The following MAPKAPK5 variants were observed in gnomAD, a reference collection of about 807,000 sequenced individuals.
MAPKAPK5 encodes MAP kinase-activated protein kinase 5.
Under a neutral mutation model 65.1 loss-of-function variants are expected in MAPKAPK5, and 30 were observed. That is an observed-to-expected ratio of 0.46 (90% CI 0.34 to 0.63). The LOEUF is 0.63. Ranked by LOEUF, MAPKAPK5 falls within the 20% of genes least tolerant of loss-of-function variation. The pLI, the probability that MAPKAPK5 is intolerant of heterozygous loss-of-function variation, is 0.01. For missense variants in MAPKAPK5, 433 were observed against 581.4 expected (o/e 0.74, Z 2.63); for synonymous variants, 179 against 204.6 (o/e 0.87, Z 1.07).
chr12:111,900,543 C>T lies in MAPKAPK5; in HGVS notation c.*7482C>T. On this transcript the variant is annotated 3_prime_UTR_variant, in exon 14 of 14. Transcript: ENST00000550735. ...GGCCTGCCTATTTAACAAGCCACGG[C>T]CCAGGGGCCGCAAGCGTAGGGATTC... is the stretch of plus-strand genomic sequence containing the variant. The T allele has an allele frequency of 2.2e-6, 1 of 456,108 alleles. No homozygotes were observed. The highest frequency in any genetic ancestry group is 1.5e-5 in the South Asian group (1 of 64,558). The allele number at this position is 456,108 out of a possible 1,614,324, so 28.3% of individuals were successfully genotyped here. A position where few individuals can be genotyped will look rare whatever the true frequency, so the allele number is the denominator to read the frequency against.
At chr12:111,861,518 G>C (rs1395560496) in intron 1 of MAPKAPK5, among the ~76,000 whole-genome samples, 1 of 151,936 alleles carries the variant, frequency 6.6e-6, no homozygotes, top group Admixed American at 6.6e-5. Flanking sequence ...AGTAGAGATG[G>C]GGTTTCACCA....
At chr12:111,875,806 C>G (rs1338076730) in intron 7 of MAPKAPK5, among the ~76,000 whole-genome samples, 1 of 152,198 alleles carries the variant, frequency 6.6e-6, no homozygotes, top group Non-Finnish European at 1.5e-5. Flanking sequence ...CTCCTGCGCT[C>G]TGCCATAGGT....
intron 1 of MAPKAPK5, among the ~76,000 whole-genome samples, chr12:111,843,753 T>C (rs1039017060): frequency 6.6e-6 from 1 of 152,238 alleles, no homozygotes; most frequent in Admixed American, 6.5e-5. Flanking sequence ...CCAAAGAAAC[T>C]TAACCCTTTA....
rs1949700314 is a variant in MAPKAPK5, at chr12:111,899,473, GATCA to G, written c.*6416_*6419del. 6.0e-6 allele frequency: 1 copy of G among 165,322 alleles called. No individual in the cohort carries two copies. Among genetic ancestry groups the G allele is most frequent in the Non-Finnish European group, 1.3e-5 (1 of 74,730 alleles). 10.2% of individuals were successfully genotyped at this position (165,322 alleles called of 1,614,324 possible). A position where few individuals can be genotyped will look rare whatever the true frequency, so the allele number is the denominator to read the frequency against. ...GTGCCAAGCATGTACTGTCACCTGG[GATCA>G]ATCTATTACTCTTTCTATGAAATAA... is the stretch of plus-strand genomic sequence containing the variant. On this transcript the variant is annotated 3_prime_UTR_variant, in exon 14 of 14. Transcript: ENST00000550735.
At chr12:111,891,637 C>CAAAAAAAA (rs78504500) in intron 13 of MAPKAPK5, among the ~76,000 whole-genome samples, 1 of 86,218 alleles carries the variant, frequency 1.2e-5, no homozygotes, top group Non-Finnish European at 2.5e-5. Flanking sequence ...ACTAAAAATA[C>CAAAAAAAA]AAAAAAAAAA....
intron 13 of MAPKAPK5, among the ~76,000 whole-genome samples, chr12:111,891,268 ATTTTT>A (rs762982308): frequency 7.5e-6 from 1 of 133,234 alleles, no homozygotes. Flanking sequence ...TAATTTTTGT[ATTTTT>A]TTTTTTTTAG....
rs1455162556 is a variant in MAPKAPK5, at chr12:111,901,148, T to C, written c.*8087T>C. The C allele has an allele frequency of 2.2e-6, 1 of 456,094 alleles. No homozygotes were observed. Among genetic ancestry groups the C allele is most frequent in the Admixed American group, 2.3e-5 (1 of 42,584 alleles). The allele number at this position is 456,094 out of a possible 1,614,324, so 28.3% of individuals were successfully genotyped here. A position where few individuals can be genotyped will look rare whatever the true frequency, so the allele number is the denominator to read the frequency against. On this transcript the variant is annotated 3_prime_UTR_variant, in exon 14 of 14. Transcript: ENST00000550735. ...GGAGCATGGATGCCTATATGAGTAC[T>C]GACATTCCTGATGAAGGAGATGTGC... is the stretch of plus-strand genomic sequence containing the variant.
intron 5 of MAPKAPK5, 143 bp downstream of exon 5, chr12:111,869,004 T>A: frequency 1.5e-6 from 1 of 658,100 alleles, no homozygotes; most frequent in Non-Finnish European, 2.6e-6. Flanking sequence ...AGAAAAGATG[T>A]TTTGACAGGA....
intron 7 of MAPKAPK5, among the ~76,000 whole-genome samples, chr12:111,871,929 A>G (rs1028741891): frequency 6.6e-6 from 1 of 152,190 alleles, no homozygotes; most frequent in Non-Finnish European, 1.5e-5. Flanking sequence ...AATTTCAGAA[A>G]AATGTAATCG....
intron 1 of MAPKAPK5, among the ~76,000 whole-genome samples, chr12:111,848,165 T>G (rs1282049332): frequency 6.6e-6 from 1 of 152,220 alleles, no homozygotes; most frequent in Non-Finnish European, 1.5e-5. Context: ...CCGAACTGTT[T>G]TCCAAAGTGG....
chr12:111,844,040 G>T (rs771411503), intron 1 of MAPKAPK5, among the ~76,000 whole-genome samples: 9 of 151,792 alleles, frequency 5.9e-5, no homozygotes, highest in Non-Finnish European at 1.3e-4. Context: ...GCCAGGATGG[G>T]CTCGATCTCC....
rs190016141 is a variant in MAPKAPK5, at chr12:111,862,476, G to A, written c.37-2774G>A. Among the ~76,000 whole-genome samples the A allele has an allele frequency of 1.3e-3, 194 of 152,216 alleles. 1 individual carries two copies. The highest frequency in any genetic ancestry group is 2.3e-3 in the Non-Finnish European group (155 of 68,004). On this transcript the variant is annotated intron_variant, in intron 1 of 13. Coordinates refer to ENST00000550735, the MANE Select transcript of MAPKAPK5 (RefSeq NM_003668.4). ...AGCACTTTGGGAGGCCAAGGTGGGC[G>A]GATCACCTGAGGTCAGGAGTTCAAG...
chr12:111,858,659 C>T (rs12427365), intron 1 of MAPKAPK5, among the ~76,000 whole-genome samples: 4,861 of 132,606 alleles, frequency 0.037, 179 homozygotes, highest in East Asian at 0.1. Flanking sequence ...TTCTCCTGCC[C>T]CAGCCTCCTG....
chr12:111,891,707 T>C (rs1436115512), intron 13 of MAPKAPK5, among the ~76,000 whole-genome samples: 2 of 149,820 alleles, frequency 1.3e-5, no homozygotes, highest in Non-Finnish European at 3.0e-5. Context: ...CTCAGGAGGC[T>C]GAGGCAGGAG....
chr12:111,849,154 C>G (rs1211712328), intron 1 of MAPKAPK5, among the ~76,000 whole-genome samples: 1 of 151,788 alleles, frequency 6.6e-6, no homozygotes, highest in Non-Finnish European at 1.5e-5. Flanking sequence ...CAATGTTGCC[C>G]AGGCTGGTCT....
At chr12:111,882,045 G>T (rs2070250299) in intron 8 of MAPKAPK5, among the ~76,000 whole-genome samples, 1 of 152,200 alleles carries the variant, frequency 6.6e-6, no homozygotes, top group South Asian at 2.1e-4. Flanking sequence ...CTGTTCTACA[G>T]CATGGGCTGT....
chr12:111,871,155 T>A lies in MAPKAPK5; in HGVS notation c.554T>A (p.Phe185Tyr). ...IDQGDLMTPQ[F>Y]TPYYVAPQVL... ...CAAGGTGACTTGATGACACCCCAGT[T>A]CACCCCTTATTATGTAGCACCCCAG... The change falls in exon 7 of 14, where the codon TTC becomes TAC. Residue 185 changes from phenylalanine to tyrosine, a missense_variant. Physicochemically the swap from Phe to Tyr is conservative, Grantham distance 22. Coordinates refer to ENST00000550735, the MANE Select transcript of MAPKAPK5 (RefSeq NM_003668.4). 1 of 1,613,842 alleles carries A rather than the reference T, an allele frequency of 6.2e-7. No individual in the cohort carries two copies. Among genetic ancestry groups the A allele is most frequent in the Non-Finnish European group, 8.5e-7 (1 of 1,179,838 alleles).
intron 1 of MAPKAPK5, among the ~76,000 whole-genome samples, chr12:111,859,903 C>T (rs2069375610): frequency 6.6e-6 from 1 of 151,738 alleles, no homozygotes; most frequent in Non-Finnish European, 1.5e-5. Context: ...CCCGCCTCAG[C>T]CTCCCAAAGT....
intron 13 of MAPKAPK5, among the ~76,000 whole-genome samples, chr12:111,891,113 A>T (rs2136159162): frequency 6.6e-6 from 1 of 151,692 alleles, no homozygotes; most frequent in East Asian, 2.0e-4. Flanking sequence ...TTGTTTTTTG[A>T]GATGGAGTCT....
Sources: gnomAD v4.1 joint callset for allele counts (sites outside exome capture counted in the v4.1 genomes callset) on GRCh38, gnomAD v4.1.1 for gene constraint, MANE v1.5 for transcripts, NCBI Gene and HGNC (gene_info 2026-07-23, HGNC 2026-07-21) for gene names.